FGF14: variants seen among roughly 807,000 people sequenced by gnomAD.
The protein encoded by FGF14 is fibroblast growth factor homologous factor 4.
Under a neutral mutation model 25.5 loss-of-function variants are expected in FGF14, and 5 were observed. That is an observed-to-expected ratio of 0.20 (90% CI 0.10 to 0.41). The LOEUF (loss-of-function observed/expected upper bound fraction) is 0.41, where lower values mean the gene tolerates loss of function less well. Ranked by LOEUF, FGF14 falls within the 10% of genes least tolerant of loss-of-function variation. FGF14 has a pLI of 1.00. For synonymous variants in FGF14, 138 were observed against 118.3 expected (o/e 1.17, Z -1.08); for missense variants, 222 against 320.1 (o/e 0.69, Z 2.34).
rs563276585 is a variant in FGF14 at position 102,022,122 on chromosome 13, AC to A, written c.209-146827del. On this transcript the variant is annotated intron_variant, in intron 1 of 4. Coordinates refer to the FGF14 transcript ENST00000376131. ...AACTTCCAGAATGCTGTTAAGCAGC[AC>A]CCCCACCCCCCTTACTCAATGGCCT... Among the ~76,000 whole-genome samples the A allele has an allele frequency of 2.3e-3, 355 of 151,980 alleles. 1 individual carries two copies. Among genetic ancestry groups the A allele is most frequent in the Non-Finnish European group, 3.7e-3 (250 of 67,942 alleles).
intron 3 of FGF14, among the ~76,000 whole-genome samples, chr13:101,853,409 A>T (rs938784133): frequency 6.6e-6 from 1 of 151,994 alleles, no homozygotes; most frequent in African/African-American, 2.4e-5. Flanking sequence ...ATATCTGATA[A>T]ATCTGCACAA....
At chr13:101,818,630 T>C (rs1474946051) in intron 3 of FGF14, among the ~76,000 whole-genome samples, 1 of 152,214 alleles carries the variant, frequency 6.6e-6, no homozygotes, top group African/African-American at 2.4e-5. Flanking sequence ...ACTCTATTAA[T>C]AGATATTAAT....
intron 1 of FGF14, among the ~76,000 whole-genome samples, chr13:102,153,145 C>T (rs778311962): frequency 1.3e-5 from 2 of 152,158 alleles, no homozygotes; most frequent in Non-Finnish European, 2.9e-5. Context: ...TGTAGACATA[C>T]CTGACATTTT....
At chr13:102,107,355 T>C (rs16959726) in intron 1 of FGF14, among the ~76,000 whole-genome samples, 11,231 of 152,192 alleles carry the variant, frequency 0.074, 1,399 homozygotes, top group African/African-American at 0.26. Flanking sequence ...CAGGCTTTAA[T>C]TCTAAGGAAA....
At chr13:102,259,156 C>A (rs919184283) in intron 1 of FGF14, among the ~76,000 whole-genome samples, 2 of 152,134 alleles carry the variant, frequency 1.3e-5, no homozygotes, top group Non-Finnish European at 2.9e-5. Flanking sequence ...GTGGCTCCTG[C>A]CACTCTCCAG....
At chr13:102,053,756 G>A (rs1450690671) in intron 1 of FGF14, among the ~76,000 whole-genome samples, 1 of 151,972 alleles carries the variant, frequency 6.6e-6, no homozygotes, top group Non-Finnish European at 1.5e-5. Flanking sequence ...CACATATAAT[G>A]GCTTAGAACT....
At chr13:102,057,984 T>C (rs1220265736) in intron 1 of FGF14, among the ~76,000 whole-genome samples, 1 of 152,198 alleles carries the variant, frequency 6.6e-6, no homozygotes, top group Non-Finnish European at 1.5e-5. Flanking sequence ...ACTTTATTAT[T>C]GTTGTGTCTC....
At position 101,972,508 on chromosome 13, in the gene FGF14, T is replaced by G. The variant is rs182772231; in HGVS notation, c.209-97212A>C. 2.1e-3 allele frequency among the ~76,000 whole-genome samples: 326 copies of G among 152,258 alleles called. 2 individuals are homozygous for G. Among genetic ancestry groups the G allele is most frequent in the African/African-American group, 7.4e-3 (309 of 41,542 alleles). On this transcript the variant is annotated intron_variant, in intron 1 of 4. Coordinates refer to the FGF14 transcript ENST00000376131. Reference sequence around the variant, plus strand: ...TCTGCAGATATTCCCTGCTCCAAATTTTCTCTAATTTCAAAATATTTGGAA... The same window carrying G: ...TCTGCAGATATTCCCTGCTCCAAATGTTCTCTAATTTCAAAATATTTGGAA...
At chr13:101,924,741 C>A (rs1341235196) in intron 1 of FGF14, among the ~76,000 whole-genome samples, 2 of 152,132 alleles carry the variant, frequency 1.3e-5, no homozygotes, top group African/African-American at 4.8e-5. Flanking sequence ...AATTAAGCCC[C>A]AGACATGTTA....
At chr13:101,747,376 T>C (rs2036958237) in intron 3 of FGF14, among the ~76,000 whole-genome samples, 1 of 152,024 alleles carries the variant, frequency 6.6e-6, no homozygotes, top group Non-Finnish European at 1.5e-5. Context: ...GGAAGTTTAC[T>C]GGGAAATTTA....
At chr13:102,377,116 G>T (rs545088652) in intron 1 of FGF14, among the ~76,000 whole-genome samples, 1 of 151,872 alleles carries the variant, frequency 6.6e-6, no homozygotes, top group South Asian at 2.1e-4. Context: ...AAAAAGAAGT[G>T]AATGACAGAG....
chr13:102,146,513 C>A (rs542443284), intron 1 of FGF14, among the ~76,000 whole-genome samples: 1 of 152,092 alleles, frequency 6.6e-6, no homozygotes, highest in Admixed American at 6.6e-5. Flanking sequence ...GCCTTTATAA[C>A]AATATTACAG....
At chr13:101,918,378 G>A (rs1330840178), upstream of FGF14, among the ~76,000 whole-genome samples, 1 of 152,224 alleles carries the variant, frequency 6.6e-6, no homozygotes, top group Admixed American at 6.5e-5. Context: ...CAGCTAAAGA[G>A]AAAGAAATGC....
intron 1 of FGF14, among the ~76,000 whole-genome samples, chr13:102,009,160 T>A (rs1368185414): frequency 6.6e-6 from 1 of 152,200 alleles, no homozygotes. Flanking sequence ...GGCTTTACCA[T>A]GTACATTTGT....
intron 1 of FGF14, among the ~76,000 whole-genome samples, chr13:102,369,292 T>G (rs2057806941): frequency 6.6e-6 from 1 of 152,224 alleles, no homozygotes; most frequent in Admixed American, 6.5e-5. Context: ...TGGAACAGCA[T>G]GCATTCTGCT....
At position 102,022,283 on chromosome 13, in the gene FGF14, G is replaced by C. The variant is rs1265319001; in HGVS notation, c.209-146987C>G. Reference sequence around the variant, plus strand: ...CAGGTATCATACCTTTGTATTGCCAGAACTCATCTCTTTAAATGAAAATGA... The same window carrying C: ...CAGGTATCATACCTTTGTATTGCCACAACTCATCTCTTTAAATGAAAATGA... On this transcript the variant is annotated intron_variant, in intron 1 of 4. Coordinates refer to the FGF14 transcript ENST00000376131. Among the ~76,000 whole-genome samples the C allele has an allele frequency of 2.6e-5, 4 of 152,180 alleles. No individual in the cohort carries two copies. The East Asian group carries it at 7.8e-4, about 30-fold the overall frequency.
chr13:102,054,985 T>A (rs549366039), intron 1 of FGF14, among the ~76,000 whole-genome samples: 118 of 152,326 alleles, frequency 7.7e-4, no homozygotes, highest in African/African-American at 2.6e-3. Flanking sequence ...TACAACCAGG[T>A]ATCCATGTCT....
intron 1 of FGF14, among the ~76,000 whole-genome samples, chr13:102,327,234 A>T (rs2056484371): frequency 6.6e-6 from 1 of 152,252 alleles, no homozygotes; most frequent in Non-Finnish European, 1.5e-5. Context: ...ATATAAAATT[A>T]TAAACACAGC....
chr13:101,790,044 C>T (rs193136175), intron 3 of FGF14, among the ~76,000 whole-genome samples: 255 of 151,910 alleles, frequency 1.7e-3, no homozygotes, highest in African/African-American at 6.0e-3. Flanking sequence ...ACTTCAGATT[C>T]TACCTCTGGG....
Sources: gnomAD v4.1 joint callset for allele counts (sites outside exome capture counted in the v4.1 genomes callset) on GRCh38, gnomAD v4.1.1 for gene constraint, MANE v1.5 for transcripts, NCBI Gene and HGNC (gene_info 2026-07-23, HGNC 2026-07-21) for gene names.